The following DENND1A variants were observed in gnomAD, a reference collection of about 807,000 sequenced individuals.
The protein encoded by DENND1A is DENN domain containing 1A, also known as DENN domain-containing protein 1A.
DENND1A carries 51 observed loss-of-function variants against 113.7 expected under a neutral mutation model. The ratio of observed to expected loss-of-function variants is 0.45; its 90% CI spans 0.36 to 0.57. The LOEUF is 0.57. Ranked by LOEUF, DENND1A falls within the 20% of genes least tolerant of loss-of-function variation. The pLI is 0.00. For synonymous variants in DENND1A, 565 were observed against 570.8 expected, an observed-to-expected ratio of 0.99 and a Z score of 0.14; for missense variants, 1,258 against 1,395.9, an observed-to-expected ratio of 0.90 and a Z score of 1.57.
chr9:123,547,487 C>T (rs914883795), intron 13 of DENND1A, among the ~76,000 whole-genome samples: 8 of 152,188 alleles, frequency 5.3e-5, no homozygotes, highest in Admixed American at 2.0e-4. Flanking sequence ...TGAGATGTCG[C>T]CATTGCACTC....
At chr9:123,786,368 G>C (rs979561609) in intron 3 of DENND1A, among the ~76,000 whole-genome samples, 1 of 152,200 alleles carries the variant, frequency 6.6e-6, no homozygotes, top group African/African-American at 2.4e-5. Context: ...TTGCAGGAAT[G>C]TGATCATGGC....
chr9:123,534,360 C>T (rs1014834483), intron 13 of DENND1A, among the ~76,000 whole-genome samples: 10 of 152,176 alleles, frequency 6.6e-5, no homozygotes, highest in African/African-American at 2.4e-4. Flanking sequence ...TTCTAAGATA[C>T]ATTCATGTTG....
intron 2 of DENND1A, among the ~76,000 whole-genome samples, chr9:123,829,257 T>C (rs1839838195): frequency 6.6e-6 from 1 of 151,826 alleles, no homozygotes; most frequent in Non-Finnish European, 1.5e-5. Flanking sequence ...TAGACAAACA[T>C]CAACACAAAA....
chr9:123,466,363 G>GATCTCTGCTCACTGCA (rs1387964676), intron 13 of DENND1A, among the ~76,000 whole-genome samples: 1 of 151,666 alleles, frequency 6.6e-6, no homozygotes, highest in Non-Finnish European at 1.5e-5. Context: ...GCAGCGATGT[G>GATCTCTGCTCACTGCA]ATCTCTGCTC....
intron 2 of DENND1A, among the ~76,000 whole-genome samples, chr9:123,811,746 A>G (rs575830016): frequency 6.6e-6 from 1 of 152,348 alleles, no homozygotes; most frequent in South Asian, 2.1e-4. Context: ...GCGACAGAGC[A>G]AGACTCCAAC....
At chr9:123,834,882 C>T (rs547717201) in intron 2 of DENND1A, among the ~76,000 whole-genome samples, 3 of 152,260 alleles carry the variant, frequency 2.0e-5, no homozygotes, top group Admixed American at 6.5e-5. Flanking sequence ...CCATCCTTTT[C>T]GTTCCATGTT....
At chr9:123,587,932 C>T (rs1233811323) in intron 11 of DENND1A, among the ~76,000 whole-genome samples, 1 of 152,140 alleles carries the variant, frequency 6.6e-6, no homozygotes, top group Non-Finnish European at 1.5e-5. Flanking sequence ...ACAGTTATAT[C>T]AACATGCTCA....
In DENND1A at chr9:123,565,055, C is replaced by T. The variant is rs139009442; in HGVS notation, c.868-7360G>A. Among the ~76,000 whole-genome samples the T allele has an allele frequency of 4.5e-3, 640 of 141,632 alleles. 5 individuals are homozygous for T. Among genetic ancestry groups the T allele is most frequent in the African/African-American group, 0.016 (618 of 38,160 alleles). 92.9% of individuals were successfully genotyped at this position (141,632 alleles called of 152,430 possible). The stretch of plus-strand genomic sequence containing the variant: ...TGCCCAGGCTGGAGTGCAGTGGCAC[C>T]ATCTTGGCTCACTGCAACCTCCGCT... On this transcript the variant is annotated intron_variant, in intron 12 of 23. Transcript: ENST00000394215.
chr9:123,550,125 T>C (rs2056949875), intron 13 of DENND1A, among the ~76,000 whole-genome samples: 1 of 152,194 alleles, frequency 6.6e-6, no homozygotes, highest in Non-Finnish European at 1.5e-5. Context: ...GGTGGATAAA[T>C]ATGACTCAGC....
At chr9:123,736,077 C>T (rs969871629) in intron 5 of DENND1A, among the ~76,000 whole-genome samples, 1 of 152,174 alleles carries the variant, frequency 6.6e-6, no homozygotes, top group African/African-American at 2.4e-5. Context: ...GTACTCATAG[C>T]TGGATAAGTA....
chr9:123,582,170 G>T (rs1312897853), intron 12 of DENND1A, among the ~76,000 whole-genome samples: 1 of 152,132 alleles, frequency 6.6e-6, no homozygotes, highest in Non-Finnish European at 1.5e-5. Context: ...AAAAAATGTA[G>T]GTTTGAAGTA....
At position 123,457,557 on chromosome 9, in the gene DENND1A, G is replaced by A. The variant is rs1035402812; in HGVS notation, c.1099-122C>T. The A allele has an allele frequency of 5.8e-6, 5 of 857,854 alleles. No homozygotes were observed. The Admixed American group carries it at 7.4e-5, about 13-fold the overall frequency. The allele number at this position is 857,854 out of a possible 1,614,324, so 53.1% of individuals were successfully genotyped here. A position where few individuals can be genotyped will look rare whatever the true frequency, so the allele number is the denominator to read the frequency against. Reference sequence around the variant, plus strand: ...TCAAAAAGTAAGGTTCAACAGGCAAGTTTCTTTCTAAAATACCGGCTGCAT... The same window carrying A: ...TCAAAAAGTAAGGTTCAACAGGCAAATTTCTTTCTAAAATACCGGCTGCAT... On this transcript the variant is annotated intron_variant, in intron 14 of 23. Coordinates refer to ENST00000394215, the MANE Select transcript of DENND1A (RefSeq NM_001352964.2).
intron 12 of DENND1A, among the ~76,000 whole-genome samples, chr9:123,572,038 T>A (rs2058383702): frequency 6.6e-6 from 1 of 152,228 alleles, no homozygotes; most frequent in Non-Finnish European, 1.5e-5. Context: ...AGATTCACCA[T>A]CTTTAGTGAA....
chr9:123,740,899 T>TGAGAGAGTGAGAGAGAGAAA (rs2068953709), intron 5 of DENND1A, among the ~76,000 whole-genome samples: 1 of 108,870 alleles, frequency 9.2e-6, no homozygotes, highest in African/African-American at 3.7e-5. Context: ...GAAGGGAAAG[T>TGAGAGAGTGAGAGAGAGAAA]GAGAGAGAGA....
intron 2 of DENND1A, among the ~76,000 whole-genome samples, chr9:123,833,122 CAAAAAAAAAAAA>C (rs1163844269): frequency 2.2e-3 from 62 of 27,572 alleles, no homozygotes; most frequent in Non-Finnish European, 4.0e-3. Context: ...GACCTCATCT[CAAAAAAAAAAAA>C]AAAAAAAAAA....
chr9:123,893,793 G>C (rs143181356), intron 1 of DENND1A, among the ~76,000 whole-genome samples: 81 of 152,242 alleles, frequency 5.3e-4, no homozygotes, highest in African/African-American at 1.9e-3. Context: ...TTACTTCAAA[G>C]GGCATGCTCT....
chr9:123,694,186 G>A (rs536880755), intron 5 of DENND1A, among the ~76,000 whole-genome samples: 1 of 152,212 alleles, frequency 6.6e-6, no homozygotes, highest in Admixed American at 6.5e-5. Context: ...TCACAAGTGA[G>A]TGAAATAAAC....
intron 9 of DENND1A, among the ~76,000 whole-genome samples, chr9:123,651,611 A>G (rs918581192): frequency 6.6e-6 from 1 of 152,254 alleles, no homozygotes; most frequent in Admixed American, 6.5e-5. Flanking sequence ...AAGAAGCCAA[A>G]AGATGTTCAT....
chr9:123,775,937 G>A (rs1294465036), intron 3 of DENND1A, among the ~76,000 whole-genome samples: 1 of 152,206 alleles, frequency 6.6e-6, no homozygotes, highest in Non-Finnish European at 1.5e-5. Flanking sequence ...CTGTGTCAGA[G>A]AAGTGGCTCT....
Sources: gnomAD v4.1 joint callset for allele counts (sites outside exome capture counted in the v4.1 genomes callset) on GRCh38, gnomAD v4.1.1 for gene constraint, MANE v1.5 for transcripts, NCBI Gene and HGNC (gene_info 2026-07-23, HGNC 2026-07-21) for gene names.